The following SLC22A25 variants were observed in gnomAD, a reference collection of about 807,000 sequenced individuals.
The protein encoded by SLC22A25 is MGI:2442751, MGI:2385316, MGI:3042283, MGI:3645714, MGI:3605624, MGI:2442750.
Under a neutral mutation model 45.9 loss-of-function variants are expected in SLC22A25, and 44 were observed. That is an observed-to-expected ratio of 0.96 (90% CI 0.75 to 1.23). SLC22A25 has a LOEUF of 1.23. Ranked by LOEUF, SLC22A25 falls within the 50% of genes most tolerant of loss-of-function variation. The probability of loss-of-function intolerance (pLI) is 0.00; values close to 1 mark genes in which losing one functional copy is unlikely to be tolerated. For synonymous variants in SLC22A25, 283 were observed against 238.6 expected, an observed-to-expected ratio of 1.19 and a Z score of -1.72; for missense variants, 800 against 666.4, an observed-to-expected ratio of 1.20 and a Z score of -2.21.
rs1417446249 is a variant in SLC22A25 at position 63,160,898 on chromosome 11, C to T, written c.*2926G>A. 6.6e-6 allele frequency among the ~76,000 whole-genome samples: 1 copy of T among 152,054 alleles called. No individual in the cohort carries two copies. On this transcript the variant is annotated 3_prime_UTR_variant, in exon 12 of 12. Transcript: ENST00000306494. ...GCTGGATTTTGGAATTGTATGGGGC[C>T]TTTAGTAAAACTGCTATGGAGAACA...
chr11:63,239,225 A>G (rs2090209888), intron 1 of SLC22A25, 90 bp from the exon 2 acceptor site: 1 of 152,208 alleles, frequency 6.6e-6, no homozygotes, highest in Admixed American at 6.5e-5. Flanking sequence ...ATGTTGATCC[A>G]CTTTCTTTTA....
At chr11:63,177,567 C>G (rs2088138416) in intron 9 of SLC22A25, among the ~76,000 whole-genome samples, 1 of 151,550 alleles carries the variant, frequency 6.6e-6, no homozygotes, top group Non-Finnish European at 1.5e-5. Flanking sequence ...TCCCCAGTAC[C>G]CTTCCCAGCT....
At chr11:63,220,611 T>C (rs576083479) in intron 5 of SLC22A25, among the ~76,000 whole-genome samples, 2 of 152,334 alleles carry the variant, frequency 1.3e-5, no homozygotes, top group African/African-American at 2.4e-5. Context: ...ATCCTTTGTG[T>C]TACAAACAAT....
Position 63,228,547 on chromosome 11 carries a change from T to G in SLC22A25, c.420A>C (p.Glu140Asp). ...TIVTKWDLVC[E>D]SQPLNSVAKF... ...TAGCTACTGAATTCAGTGGTTGAGA[T>G]TCGCATACCAGATCCCACTGGAAGA... The change falls in exon 5 of 12, where the codon GAA becomes GAC. Residue 140 changes from glutamate to aspartate, a missense_variant. Transcript: ENST00000306494. 1 of 1,613,746 alleles carries G rather than the reference T, an allele frequency of 6.2e-7. No individual in the cohort carries two copies. Among genetic ancestry groups the G allele is most frequent in the Non-Finnish European group, 8.5e-7 (1 of 1,179,834 alleles).
intron 3 of SLC22A25, among the ~76,000 whole-genome samples, chr11:63,231,641 C>G (rs2090071345): frequency 6.6e-6 from 1 of 152,198 alleles, no homozygotes; most frequent in African/African-American, 2.4e-5. Context: ...TGCACAAGCT[C>G]TCTCATTTAA....
chr11:63,169,007 C>G (rs1157214644), intron 9 of SLC22A25, among the ~76,000 whole-genome samples: 2 of 152,088 alleles, frequency 1.3e-5, no homozygotes, highest in East Asian at 3.8e-4. Context: ...GAGTGAATGC[C>G]AATATTCAAC....
chr11:63,179,929 G>A (rs1379273776), intron 9 of SLC22A25, among the ~76,000 whole-genome samples: 1 of 152,104 alleles, frequency 6.6e-6, no homozygotes, highest in African/African-American at 2.4e-5. Context: ...GTGTCCAAAG[G>A]CCAAGGTGTG....
chr11:63,226,815 C>G (rs2089971552), intron 5 of SLC22A25, among the ~76,000 whole-genome samples: 1 of 152,202 alleles, frequency 6.6e-6, no homozygotes, highest in Non-Finnish European at 1.5e-5. Flanking sequence ...TAAATCTACC[C>G]ATCATTCTAT....
chr11:63,186,387 GATT>G, intron 7 of SLC22A25, among the ~76,000 whole-genome samples: 1 of 150,948 alleles, frequency 6.6e-6, no homozygotes, highest in Non-Finnish European at 1.5e-5. Flanking sequence ...TTTTTGTTGG[GATT>G]GTTTGTTTTT....
intron 3 of SLC22A25, among the ~76,000 whole-genome samples, chr11:63,232,113 C>A (rs571145646): frequency 6.6e-6 from 1 of 152,006 alleles, no homozygotes; most frequent in African/African-American, 2.4e-5. Context: ...CTTGGCAATG[C>A]GGGCTCTTTT....
intron 7 of SLC22A25, among the ~76,000 whole-genome samples, chr11:63,208,515 G>T (rs11822690): frequency 6.6e-6 from 1 of 152,072 alleles, no homozygotes; most frequent in Non-Finnish European, 1.5e-5. Context: ...CCCGGGACAC[G>T]AGAGAGGCTC....
chr11:63,195,777 A>C (rs932035375), intron 7 of SLC22A25, among the ~76,000 whole-genome samples: 1 of 151,722 alleles, frequency 6.6e-6, no homozygotes, highest in African/African-American at 2.4e-5. Flanking sequence ...AAGGAGATAG[A>C]GACACAAAGA....
At chr11:63,177,524 T>C (rs1328983199) in intron 9 of SLC22A25, among the ~76,000 whole-genome samples, 1 of 151,974 alleles carries the variant, frequency 6.6e-6, no homozygotes, top group East Asian at 1.9e-4. Context: ...ACTGTATTTT[T>C]GTACCCATTA....
Position 63,159,823 on chromosome 11 carries a change from G to A in SLC22A25, c.*4001C>T, listed in dbSNP as rs370005700. ...TAATGATATGGAAAATGAAATCCAG[G>A]CTGAGGTGGTCTCAGATGAAGATGA... On this transcript the variant is annotated 3_prime_UTR_variant, in exon 12 of 12. Coordinates refer to ENST00000306494, the MANE Select transcript of SLC22A25 (RefSeq NM_199352.6). Among the ~76,000 whole-genome samples the A allele has an allele frequency of 2.6e-5, 4 of 152,302 alleles. No homozygotes were observed. Among genetic ancestry groups the A allele is most frequent in the African/African-American group, 9.6e-5 (4 of 41,562 alleles).
At chr11:63,194,350 G>A (rs1178611618) in intron 7 of SLC22A25, among the ~76,000 whole-genome samples, 1 of 152,070 alleles carries the variant, frequency 6.6e-6, no homozygotes, top group Admixed American at 6.6e-5. Context: ...GCAACCCCAA[G>A]ACACATATTG....
At chr11:63,227,159 G>T (rs1783652) in intron 5 of SLC22A25, among the ~76,000 whole-genome samples, 1 of 151,488 alleles carries the variant, frequency 6.6e-6, no homozygotes, top group Admixed American at 6.6e-5. Flanking sequence ...GGTACCTAAG[G>T]TGCAAGACAA....
At chr11:63,212,004 G>A (rs188559381) in intron 7 of SLC22A25, among the ~76,000 whole-genome samples, 2,496 of 152,124 alleles carry the variant, frequency 0.016, 62 homozygotes, top group African/African-American at 0.057. Context: ...AAAAGTGGGC[G>A]AAGGATATGA....
chr11:63,208,129 AG>A (rs1307183956), intron 7 of SLC22A25: 1 of 152,230 alleles, frequency 6.6e-6, no homozygotes, highest in Non-Finnish European at 1.5e-5. Flanking sequence ...GTGGGACTAC[AG>A]CCCTGTGGCC....
intron 7 of SLC22A25, among the ~76,000 whole-genome samples, chr11:63,194,163 G>A (rs1590837397): frequency 6.6e-6 from 1 of 152,294 alleles, no homozygotes; most frequent in South Asian, 2.1e-4. Flanking sequence ...ATGTGACTGT[G>A]TGAAAAGACC....
Sources: gnomAD v4.1 joint callset for allele counts (sites outside exome capture counted in the v4.1 genomes callset) on GRCh38, gnomAD v4.1.1 for gene constraint, MANE v1.5 for transcripts, NCBI Gene and HGNC (gene_info 2026-07-23, HGNC 2026-07-21) for gene names.